Variants in SPOCK1 observed in about 807,000 individuals in gnomAD.
The protein encoded by SPOCK1 is testican-1.
A neutral mutation model predicts 55.3 loss-of-function variants in SPOCK1; 23 were observed. The observed-to-expected ratio is 0.42, with a 90% CI of 0.30 to 0.59. SPOCK1 has a LOEUF of 0.59. Ranked by LOEUF, SPOCK1 falls within the 20% of genes least tolerant of loss-of-function variation. The pLI is 0.22. For missense variants in SPOCK1, 499 were observed against 552.5 expected (o/e 0.90, Z 0.97); for synonymous variants, 226 against 221.0 (o/e 1.02, Z -0.20).
At chr5:137,021,492 TTC>T (rs1296418111) in intron 6 of SPOCK1, among the ~76,000 whole-genome samples, 1 of 152,204 alleles carries the variant, frequency 6.6e-6, no homozygotes, top group East Asian at 1.9e-4. Flanking sequence ...GTTACTGGTG[TTC>T]TTTCTTTGTA....
At chr5:137,301,703 G>A (rs1757594090) in intron 2 of SPOCK1, among the ~76,000 whole-genome samples, 1 of 138,148 alleles carries the variant, frequency 7.2e-6, no homozygotes, top group Non-Finnish European at 1.5e-5. Flanking sequence ...GCAGAAGGAA[G>A]AACAATGACA....
At chr5:137,075,138 G>T (rs1198958323) in intron 5 of SPOCK1, among the ~76,000 whole-genome samples, 7 of 152,208 alleles carry the variant, frequency 4.6e-5, no homozygotes, top group Admixed American at 2.6e-4. Flanking sequence ...TGCAACAACT[G>T]TCAAATCTTA....
intron 2 of SPOCK1, among the ~76,000 whole-genome samples, chr5:137,371,503 A>G (rs1432606457): frequency 6.6e-6 from 1 of 152,234 alleles, no homozygotes; most frequent in Non-Finnish European, 1.5e-5. Context: ...TCTACAAAGC[A>G]GTTTGCAGTG....
Position 137,143,422 on chromosome 5 carries a change from C to T in SPOCK1, c.233-2728G>A, listed in dbSNP as rs79542321. Among the ~76,000 whole-genome samples the T allele has an allele frequency of 4.7e-3, 720 of 152,162 alleles. 5 individuals carry two copies. The highest frequency in any genetic ancestry group is 0.015 in the African/African-American group (603 of 41,552). On this transcript the variant is annotated intron_variant, in intron 3 of 10. Transcript: ENST00000394945. Reference sequence around the variant, plus strand: ...CAGCTGAGCAGATCCGGGAACAGCACAGACTCCAAGGCAGAGTAGCTTCTG... The same window carrying T: ...CAGCTGAGCAGATCCGGGAACAGCATAGACTCCAAGGCAGAGTAGCTTCTG...
chr5:137,452,968 G>T (rs1439152817), intron 2 of SPOCK1, among the ~76,000 whole-genome samples: 2 of 152,164 alleles, frequency 1.3e-5, no homozygotes, highest in East Asian at 3.8e-4. Context: ...AGCACCCTAA[G>T]AATCCAGGAC....
chr5:137,453,148 T>C (rs1401428800), intron 2 of SPOCK1, among the ~76,000 whole-genome samples: 1 of 152,128 alleles, frequency 6.6e-6, no homozygotes, highest in East Asian at 1.9e-4. Context: ...TTAGAAAAAA[T>C]AAGGCACGCT....
intron 2 of SPOCK1, among the ~76,000 whole-genome samples, chr5:137,297,329 T>C (rs1173742069): frequency 2.0e-5 from 3 of 152,188 alleles, no homozygotes; most frequent in Non-Finnish European, 4.4e-5. Flanking sequence ...CATGATACAT[T>C]AGAAAAGATG....
At chr5:137,356,972 C>T (rs1329329901) in intron 2 of SPOCK1, among the ~76,000 whole-genome samples, 9 of 149,976 alleles carry the variant, frequency 6.0e-5, no homozygotes, top group Non-Finnish European at 8.9e-5. Flanking sequence ...CTATAGGGCA[C>T]CTTCTTTACA....
intron 7 of SPOCK1, chr5:136,988,885 C>T (rs1750895513): frequency 9.8e-6 from 4 of 408,378 alleles, no homozygotes; most frequent in Admixed American, 8.2e-5. Context: ...GGGGAAAAAT[C>T]CCCAATGTTA....
intron 2 of SPOCK1, among the ~76,000 whole-genome samples, chr5:137,413,351 A>C (rs1752250280): frequency 6.6e-6 from 1 of 152,236 alleles, no homozygotes; most frequent in Non-Finnish European, 1.5e-5. Flanking sequence ...AATCATGAGC[A>C]AAAACAAAAA....
chr5:137,328,888 T>C (rs1348269070), intron 2 of SPOCK1, among the ~76,000 whole-genome samples: 19 of 152,160 alleles, frequency 1.2e-4, no homozygotes, highest in Non-Finnish European at 2.6e-4. Flanking sequence ...CTTTTGGGAA[T>C]TGGAAATGGT....
chr5:137,258,846 C>T (rs946084382), intron 3 of SPOCK1, among the ~76,000 whole-genome samples: 2 of 152,164 alleles, frequency 1.3e-5, no homozygotes, highest in Non-Finnish European at 2.9e-5. Context: ...TCATTCACTA[C>T]GATTCCCTCC....
At chr5:137,206,479 G>A (rs1175462554) in intron 3 of SPOCK1, among the ~76,000 whole-genome samples, 3 of 152,180 alleles carry the variant, frequency 2.0e-5, no homozygotes, top group Non-Finnish European at 4.4e-5. Context: ...AAGCGTACAT[G>A]ACTGAATGGG....
chr5:136,994,617 G>T (rs1751006548), intron 6 of SPOCK1, among the ~76,000 whole-genome samples: 1 of 151,330 alleles, frequency 6.6e-6, no homozygotes, highest in Non-Finnish European at 1.5e-5. Context: ...CATTCAGAAA[G>T]CCAACAACAA....
intron 3 of SPOCK1, among the ~76,000 whole-genome samples, chr5:137,160,202 C>G (rs773582935): frequency 4.6e-5 from 7 of 151,032 alleles, no homozygotes; most frequent in Admixed American, 4.0e-4. Context: ...TCAGTGAGAA[C>G]ATACGATGTT....
intron 2 of SPOCK1, among the ~76,000 whole-genome samples, chr5:137,405,558 C>T (rs1437132576): frequency 1.3e-5 from 2 of 152,154 alleles, no homozygotes; most frequent in African/African-American, 4.8e-5. Context: ...CAAGAACGGG[C>T]AGACAGATCC....
At chr5:137,085,927 CAG>C (rs1752954538) in intron 5 of SPOCK1, among the ~76,000 whole-genome samples, 1 of 152,200 alleles carries the variant, frequency 6.6e-6, no homozygotes, top group Non-Finnish European at 1.5e-5. Flanking sequence ...TCTGCAGTGA[CAG>C]AGTGACAGAC....
chr5:137,110,822 C>A (rs1052447264), intron 5 of SPOCK1, among the ~76,000 whole-genome samples: 2 of 152,138 alleles, frequency 1.3e-5, no homozygotes, highest in African/African-American at 4.8e-5. Flanking sequence ...CAGTGCCTGG[C>A]ACTAGAAATG....
At chr5:137,356,632 A>G (rs1750806712) in intron 2 of SPOCK1, among the ~76,000 whole-genome samples, 1 of 150,594 alleles carries the variant, frequency 6.6e-6, no homozygotes, top group South Asian at 2.1e-4. Context: ...TCTCTACTAA[A>G]ATACAAAAAA....
Sources: allele counts gnomAD v4.1 joint callset (sites outside exome capture counted in the v4.1 genomes callset), GRCh38; gene constraint gnomAD v4.1.1; transcripts MANE v1.5; gene names NCBI Gene and HGNC (gene_info 2026-07-23, HGNC 2026-07-21).